PPP2R2C: variants seen among roughly 807,000 people sequenced by gnomAD.
PPP2R2C encodes the protein protein phosphatase 2 regulatory subunit Bgamma.
A neutral mutation model predicts 45.3 loss-of-function variants in PPP2R2C; 10 were observed. The observed-to-expected ratio is 0.22, with a 90% CI of 0.14 to 0.37. The LOEUF is 0.37. PPP2R2C is among the 10% of genes least tolerant of loss of function. PPP2R2C has a pLI of 1.00. For synonymous variants in PPP2R2C, 257 were observed against 245.4 expected, an observed-to-expected ratio of 1.05 and a Z score of -0.44; for missense variants, 308 against 619.7, an observed-to-expected ratio of 0.50 and a Z score of 5.34.
At chr4:6,459,722 G>A (rs1251417781) in intron 1 of PPP2R2C, among the ~76,000 whole-genome samples, 5 of 152,150 alleles carry the variant, frequency 3.3e-5, no homozygotes, top group African/African-American at 1.2e-4. Context: ...GGGAGGCAGA[G>A]GTTGCAGTGA....
chr4:6,466,387 C>CT (rs1721596782), intron 1 of PPP2R2C, among the ~76,000 whole-genome samples: 1 of 152,162 alleles, frequency 6.6e-6, no homozygotes, highest in South Asian at 2.1e-4. Flanking sequence ...GTGTGGGGAC[C>CT]TAGATGACCA....
intron 1 of PPP2R2C, among the ~76,000 whole-genome samples, chr4:6,416,600 G>A (rs1030498694): frequency 6.6e-6 from 1 of 152,216 alleles, no homozygotes; most frequent in Non-Finnish European, 1.5e-5. Flanking sequence ...CCAGCAGCCT[G>A]CAGGCTCCTC....
intron 3 of PPP2R2C, among the ~76,000 whole-genome samples, chr4:6,376,618 T>G (rs1715323196): frequency 6.6e-6 from 1 of 152,116 alleles, no homozygotes; most frequent in Non-Finnish European, 1.5e-5. Flanking sequence ...CACACCTGGC[T>G]AATATTTTAT....
At chr4:6,481,748 G>A (rs1243210494) in intron 2 of PPP2R2C, among the ~76,000 whole-genome samples, 3 of 152,020 alleles carry the variant, frequency 2.0e-5, no homozygotes, top group East Asian at 1.9e-4. Flanking sequence ...GGAGGCTGAG[G>A]CATGTGGATC....
chr4:6,323,832 A>G (rs572305246), intron 8 of PPP2R2C, among the ~76,000 whole-genome samples: 22 of 31,278 alleles, frequency 7.0e-4, no homozygotes, highest in Middle Eastern at 0.014. Flanking sequence ...CAGGAGGATC[A>G]CCTGAGCCTG....
chr4:6,464,614 T>C (rs899300996), intron 1 of PPP2R2C, among the ~76,000 whole-genome samples: 6 of 152,228 alleles, frequency 3.9e-5, no homozygotes, highest in African/African-American at 1.2e-4. Flanking sequence ...TTTTCATCTT[T>C]GATATTTGCA....
At chr4:6,428,266 T>A (rs539790911) in intron 1 of PPP2R2C, among the ~76,000 whole-genome samples, 1 of 152,292 alleles carries the variant, frequency 6.6e-6, no homozygotes, top group South Asian at 2.1e-4. Flanking sequence ...CAGGTTCCCG[T>A]CAACATGGCT....
chr4:6,510,994 C>CAAAAAAAAAAAAAAAA (rs200316130), intron 2 of PPP2R2C, among the ~76,000 whole-genome samples: 1 of 33,224 alleles, frequency 3.0e-5, no homozygotes, highest in African/African-American at 5.3e-5. Context: ...AAAAAACAAA[C>CAAAAAAAAAAAAAAAA]AAACAAAAAA....
At chr4:6,423,286 C>A (rs762649181) in intron 1 of PPP2R2C, among the ~76,000 whole-genome samples, 2 of 152,228 alleles carry the variant, frequency 1.3e-5, no homozygotes, top group African/African-American at 4.8e-5. Context: ...TCACTGCAAC[C>A]TCTGCCTCCC....
At chr4:6,457,458 A>G (rs1223606160) in intron 1 of PPP2R2C, among the ~76,000 whole-genome samples, 1 of 151,898 alleles carries the variant, frequency 6.6e-6, no homozygotes, top group Non-Finnish European at 1.5e-5. Flanking sequence ...TGCAGCCTCA[A>G]CCTCCTGGGT....
intron 1 of PPP2R2C, among the ~76,000 whole-genome samples, chr4:6,453,773 C>G (rs796970032): frequency 1.6e-4 from 25 of 152,356 alleles, no homozygotes; most frequent in African/African-American, 6.0e-4. Flanking sequence ...CTGCTCTGCA[C>G]TCCTCCCTAC....
intron 5 of PPP2R2C, chr4:6,349,843 A>G: frequency 1.0e-6 from 1 of 960,836 alleles, no homozygotes; most frequent in Non-Finnish European, 1.2e-6. Flanking sequence ...GTTAGCCGAG[A>G]TCGCACCATT....
At position 6,368,727 on chromosome 4, in the gene PPP2R2C, C is replaced by T. The variant is rs995126517; in HGVS notation, c.625+3796G>A. 6.6e-6 allele frequency among the ~76,000 whole-genome samples: 1 copy of T among 152,182 alleles called. No individual in the cohort carries two copies. The highest frequency in any genetic ancestry group is 1.5e-5 in the Non-Finnish European group (1 of 68,038). On this transcript the variant is annotated intron_variant, in intron 5 of 8. Coordinates refer to ENST00000382599, the MANE Select transcript of PPP2R2C (RefSeq NM_020416.4). The surrounding 1 kb of genome is among the most constrained non-coding windows in gnomAD (Gnocchi z 4.2). ...AATCTCATTCCTCCACCGCCTCCCA[C>T]CCGTGGCCACGCTCTGGCCCTGCCT...
chr4:6,377,126 G>C (rs796946573), intron 3 of PPP2R2C, among the ~76,000 whole-genome samples: 63 of 152,370 alleles, frequency 4.1e-4, no homozygotes, highest in African/African-American at 1.5e-3. Context: ...GCTGGCAGAA[G>C]CTGCGCCTAG....
At position 6,332,043 on chromosome 4, in the gene PPP2R2C, C is replaced by G. The variant is rs1013253115; in HGVS notation, c.960+1519G>C. On this transcript the variant is annotated intron_variant, in intron 7 of 8. Coordinates refer to ENST00000382599, the MANE Select transcript of PPP2R2C (RefSeq NM_020416.4). This position sits in a 1 kb window ranked among gnomAD's most constrained non-coding sequence, Gnocchi z 4.9. The stretch of plus-strand genomic sequence containing the variant: ...GGCCTCACGCTCCAGAACAGTCATT[C>G]CCCTCCTTCGTGGGGTCCTTCATGA... 6.6e-6 allele frequency among the ~76,000 whole-genome samples: 1 copy of G among 152,198 alleles called. No individual in the cohort carries two copies. The highest frequency in any genetic ancestry group is 2.4e-5 in the African/African-American group (1 of 41,442).
chr4:6,441,425 C>T (rs544267875), intron 1 of PPP2R2C, among the ~76,000 whole-genome samples: 2 of 152,060 alleles, frequency 1.3e-5, no homozygotes, highest in African/African-American at 4.8e-5. Flanking sequence ...CCCCATGGGG[C>T]CTCCATCACC....
At chr4:6,381,492 G>T in intron 1 of PPP2R2C, 1 of 1,373,756 alleles carries the variant, frequency 7.3e-7, no homozygotes, top group Non-Finnish European at 9.4e-7. Flanking sequence ...CAGCAACCTG[G>T]GTCAGGGAAG....
At chr4:6,388,034 T>A (rs1448262224) in intron 1 of PPP2R2C, among the ~76,000 whole-genome samples, 1 of 152,214 alleles carries the variant, frequency 6.6e-6, no homozygotes, top group African/African-American at 2.4e-5. Flanking sequence ...GAGCTGCCAC[T>A]GGCTGCAGCC....
At chr4:6,455,239 C>A (rs1018861296) in intron 1 of PPP2R2C, among the ~76,000 whole-genome samples, 1 of 152,216 alleles carries the variant, frequency 6.6e-6, no homozygotes, top group Admixed American at 6.5e-5. Context: ...ATATTCAAAT[C>A]TTTATGCAAG....
Sources: allele counts gnomAD v4.1 joint callset (sites outside exome capture counted in the v4.1 genomes callset), GRCh38; gene constraint gnomAD v4.1.1; non-coding constraint Gnocchi (gnomAD v3.1); transcripts MANE v1.5; gene names NCBI Gene and HGNC (gene_info 2026-07-23, HGNC 2026-07-21).